RFX1: variants seen among roughly 807,000 people sequenced by gnomAD.
RFX1 encodes the protein regulatory factor X1, also known as MHC class II regulatory factor RFX1.
Under a neutral mutation model 119.6 loss-of-function variants are expected in RFX1, and 42 were observed. The observed-to-expected ratio is 0.35, with a 90% confidence interval of 0.27 to 0.45. The LOEUF (loss-of-function observed/expected upper bound fraction) is 0.45. RFX1 is among the 20% of genes least tolerant of loss of function. The probability of loss-of-function intolerance (pLI) is 1.00; values close to 1 mark genes in which losing one functional copy is unlikely to be tolerated. For missense variants in RFX1, 1,118 were observed against 1,368.1 expected, an observed-to-expected ratio of 0.82 and a Z score of 2.88; for synonymous variants, 628 against 618.5, an observed-to-expected ratio of 1.02 and a Z score of -0.23.
Position 13,967,456 on chromosome 19 carries a change from C to T in RFX1, c.1733-705G>A, listed in dbSNP as rs560677376. Among the ~76,000 whole-genome samples the T allele has an allele frequency of 5.3e-5, 8 of 151,848 alleles. No homozygotes were observed. The South Asian group carries it at 6.3e-4, about 12-fold the overall frequency. ...CCTCCCAACGTGCTGGGATTACACACGTGAGCCACTGCACCCGGCCTTTTT... is the reference window on the plus strand; with the variant it reads ...CCTCCCAACGTGCTGGGATTACACATGTGAGCCACTGCACCCGGCCTTTTT... On this transcript the variant is annotated intron_variant, in intron 12 of 20. Transcript: ENST00000254325.
chr19:13,974,822 G>A (rs1172498567), intron 8 of RFX1, among the ~76,000 whole-genome samples: 1 of 152,060 alleles, frequency 6.6e-6, no homozygotes, highest in Non-Finnish European at 1.5e-5. Context: ...GAGGCGGGTG[G>A]ATCACTTGAG....
intron 8 of RFX1, 45 bp from the exon 9 acceptor site, chr19:13,973,172 T>A: frequency 1.5e-6 from 1 of 677,100 alleles, no homozygotes; most frequent in Non-Finnish European, 2.0e-6. Context: ...GGATGAGAAC[T>A]GGGGGGCCGA....
chr19:14,001,089 A>T (rs1264491508), intron 1 of RFX1, among the ~76,000 whole-genome samples: 5 of 152,186 alleles, frequency 3.3e-5, no homozygotes, highest in Admixed American at 2.6e-4. Context: ...AAACAAAAAA[A>T]TGCTGCAGAT....
At position 13,968,645 on chromosome 19, in the gene RFX1, T is replaced by C; in HGVS notation, c.1652A>G (p.Asn551Ser). ...CGGCTGCTGCCCCACCGCCACGCCGTTGGTCATGCCTTCCATCTTCTGGAT... is the reference window on the plus strand; with the variant it reads ...CGGCTGCTGCCCCACCGCCACGCCGCTGGTCATGCCTTCCATCTTCTGGAT... Reference protein sequence around the residue: ...KPIQKMEGMTNGVAVGQQPST... With the variant: ...KPIQKMEGMTSGVAVGQQPST... The change falls in exon 12 of 21, where the codon AAC (asparagine) becomes AGC (serine). Residue 551 changes from asparagine to serine, a missense_variant. This residue lies in a region of RFX1 where 338 missense variants were observed against 508.9 expected (regional missense o/e 0.66). Transcript: ENST00000254325. This position sits in a 1 kb window ranked among gnomAD's most constrained non-coding sequence, Gnocchi z 5.5. 1.2e-6 allele frequency: 2 copies of C among 1,613,356 alleles called. No individual in the cohort carries two copies. Among genetic ancestry groups the C allele is most frequent in the Non-Finnish European group, 1.7e-6 (2 of 1,179,952 alleles).
chr19:13,983,099 G>A (rs1974479022), intron 4 of RFX1, 88 bp downstream of exon 4: 1 of 1,037,512 alleles, frequency 9.6e-7, no homozygotes, highest in Admixed American at 2.1e-5. Context: ...CTCCATCCTG[G>A]TGAGGACAGA....
At chr19:14,004,109 G>T (rs892485772) in intron 1 of RFX1, among the ~76,000 whole-genome samples, 2 of 151,996 alleles carry the variant, frequency 1.3e-5, no homozygotes, top group Non-Finnish European at 2.9e-5. Context: ...CATGTTGGCC[G>T]GGCTAGTCTC....
Position 13,962,691 on chromosome 19 carries a change from G to A in RFX1, c.*4C>T, listed in dbSNP as rs1332347419. The A allele has an allele frequency of 3.9e-6, 6 of 1,523,546 alleles. 1 individual carries two copies. In the South Asian group the frequency reaches 6.0e-5, roughly 15 times the overall value. The allele number at this position is 1,523,546 out of a possible 1,614,324, so 94.4% of individuals were successfully genotyped here. ...GGGGCGGGTGGGGCGGGGAGGCCAA[G>A]GGCTTAGCTGGAGGGCAGCGCCTGC... is the stretch of plus-strand genomic sequence containing the variant. On this transcript the variant is annotated 3_prime_UTR_variant, in exon 21 of 21. Coordinates refer to ENST00000254325, the MANE Select transcript of RFX1 (RefSeq NM_002918.5).
intron 1 of RFX1, 146 bp downstream of exon 1, chr19:14,005,957 G>GCCCCCT (rs1167714548): frequency 6.7e-6 from 1 of 149,360 alleles, no homozygotes; most frequent in Non-Finnish European, 1.5e-5. Flanking sequence ...CCGGGCCCCG[G>GCCCCCT]CCCCCTCCCC....
intron 1 of RFX1, among the ~76,000 whole-genome samples, chr19:14,005,002 C>T (rs906085793): frequency 6.6e-6 from 1 of 152,190 alleles, no homozygotes; most frequent in African/African-American, 2.4e-5. Flanking sequence ...ACTCGGTTGA[C>T]ACTCGTTTGA....
In RFX1 at chr19:13,962,475, C is replaced by T. The variant is rs1568454243; in HGVS notation, c.*220G>A. ...GGGCACCTGGGCACGCGGCGGGTTC[C>T]TTAAGGCACGTCTTTTGTGTCAGAG... is the stretch of plus-strand genomic sequence containing the variant. On this transcript the variant is annotated 3_prime_UTR_variant, in exon 21 of 21. Transcript: ENST00000254325. 10 of 530,946 alleles carry T rather than the reference C, an allele frequency of 1.9e-5. No individual in the cohort carries two copies. The highest frequency in any genetic ancestry group is 2.3e-5 in the Non-Finnish European group (7 of 304,088). 32.9% of individuals were successfully genotyped at this position (530,946 alleles called of 1,614,324 possible). A position where few individuals can be genotyped will look rare whatever the true frequency, so the allele number is the denominator to read the frequency against.
rs1973730294 is a variant in RFX1 at position 13,962,616 on chromosome 19, G to A, written c.*79C>T. The A allele has an allele frequency of 1.7e-6, 2 of 1,168,956 alleles. No homozygotes were observed. The highest frequency in any genetic ancestry group is 3.4e-5 in the East Asian group (1 of 29,524). 72.4% of individuals were successfully genotyped at this position (1,168,956 alleles called of 1,614,324 possible). On this transcript the variant is annotated 3_prime_UTR_variant, in exon 21 of 21. Transcript: ENST00000254325. ...CTGCCCTGGCTGAGGCTGGAGCAGTGACCACGAAGCCACAGAAGCTTTGAG... is the reference window on the plus strand; with the variant it reads ...CTGCCCTGGCTGAGGCTGGAGCAGTAACCACGAAGCCACAGAAGCTTTGAG...
In RFX1 at chr19:14,004,350, A is replaced by C. The variant is rs560145118; in HGVS notation, c.-53+1753T>G. On this transcript the variant is annotated intron_variant, in intron 1 of 20. Transcript: ENST00000254325. ...TGGTGAAACCCCGTCTCTACTAAAAATACGAAAATCAGCCGGGCATGATGG... is the reference window on the plus strand; with the variant it reads ...TGGTGAAACCCCGTCTCTACTAAAACTACGAAAATCAGCCGGGCATGATGG... 1.4e-3 allele frequency among the ~76,000 whole-genome samples: 218 copies of C among 152,308 alleles called. 1 individual carries two copies. Among genetic ancestry groups the C allele is most frequent in the Admixed American group, 4.6e-3 (70 of 15,300 alleles).
intron 4 of RFX1, 100 bp from the exon 5 acceptor site, chr19:13,982,328 C>A: frequency 3.6e-6 from 2 of 551,014 alleles, no homozygotes; most frequent in Non-Finnish European, 2.7e-6. Flanking sequence ...AAGTGCTTCA[C>A]GCCTGTTAGC....
At chr19:13,988,426 T>G (rs114297411) in intron 2 of RFX1, among the ~76,000 whole-genome samples, 1 of 152,184 alleles carries the variant, frequency 6.6e-6, no homozygotes, top group Non-Finnish European at 1.5e-5. Flanking sequence ...CTCCAGACCC[T>G]GGCTCTAGGG....
chr19:14,003,178 G>A (rs1436381160), intron 1 of RFX1, among the ~76,000 whole-genome samples: 1 of 152,148 alleles, frequency 6.6e-6, no homozygotes, highest in African/African-American at 2.4e-5. Flanking sequence ...TAGAGATAGG[G>A]TTTCACCGTG....
At position 13,966,858 on chromosome 19, in the gene RFX1, G is replaced by A. The variant is rs1290851945; in HGVS notation, c.1733-107C>T. ...ATCAGACTGGGGTCCCCCATGTGCC[G>A]GTGAGACAACGCTAGGTGGGGTGAG... On this transcript the variant is annotated intron_variant, in intron 12 of 20. Transcript: ENST00000254325. This position sits in a 1 kb window ranked among gnomAD's most constrained non-coding sequence, Gnocchi z 6.3. 1.5e-5 allele frequency: 11 copies of A among 744,096 alleles called. No homozygotes were observed. Among genetic ancestry groups the A allele is most frequent in the South Asian group, 3.6e-5 (2 of 56,066 alleles). 46.1% of individuals were successfully genotyped at this position (744,096 alleles called of 1,614,324 possible).
rs148112821 is a variant in RFX1 at position 13,963,573 on chromosome 19, G to T, written c.2535C>A (p.Ala845=). 264 of 1,604,724 alleles carry T rather than the reference G, an allele frequency of 1.6e-4. 1 individual carries two copies. The highest frequency in any genetic ancestry group is 2.9e-5 in the Non-Finnish European group (34 of 1,179,364). Residue 845 remains alanine (A), a synonymous_variant, in exon 18 of 21, where the codon GCC becomes GCA. Transcript: ENST00000254325. Reference sequence around the variant, plus strand: ...ACCACTTGAGGAGGAAGAGCTTGGCGGCCTTGGGGAAGCCGGCGCTGCCCT... The same window carrying T: ...ACCACTTGAGGAGGAAGAGCTTGGCTGCCTTGGGGAAGCCGGCGCTGCCCT... The part of the protein sequence containing the change: ...PYQGSAGFPK[A]AKLFLLKWSF...
At chr19:13,976,012 A>G (rs1314037820) in intron 8 of RFX1, among the ~76,000 whole-genome samples, 2 of 152,260 alleles carry the variant, frequency 1.3e-5, no homozygotes, top group Non-Finnish European at 2.9e-5. Flanking sequence ...CAAAGGAGAG[A>G]CAGGAGAGAC....
At chr19:13,973,157 C>G (rs1568464455) in intron 8 of RFX1, 30 bp from the exon 9 acceptor site, 3 of 1,559,978 alleles carry the variant, frequency 1.9e-6, no homozygotes, top group South Asian at 2.2e-5. Context: ...AAGGGAGAGT[C>G]AGGGGGATGA....
Sources: allele counts gnomAD v4.1 joint callset (sites outside exome capture counted in the v4.1 genomes callset), GRCh38; gene constraint gnomAD v4.1.1; regional missense constraint gnomAD v4.1.1; non-coding constraint Gnocchi (gnomAD v3.1); transcripts MANE v1.5; gene names NCBI Gene and HGNC (gene_info 2026-07-23, HGNC 2026-07-21).